HDGFL3: variants seen among roughly 807,000 people sequenced by gnomAD.
HDGFL3 encodes HDGF like 3, also known as hepatoma-derived growth factor-related protein 3.
Under a neutral mutation model 27.6 loss-of-function variants are expected in HDGFL3, and 6 were observed. The ratio of observed to expected loss-of-function variants is 0.22; its 90% CI spans 0.12 to 0.43. HDGFL3 has a LOEUF of 0.43. HDGFL3 is among the 20% of genes least tolerant of loss of function. The pLI is 1.00. For synonymous variants in HDGFL3, 88 were observed against 88.9 expected, an observed-to-expected ratio of 0.99 and a Z score of 0.05; for missense variants, 207 against 250.1, an observed-to-expected ratio of 0.83 and a Z score of 1.16.
intron 1 of HDGFL3, among the ~76,000 whole-genome samples, chr15:83,190,804 C>T (rs2037502503): frequency 6.6e-6 from 1 of 152,144 alleles, no homozygotes; most frequent in Admixed American, 6.5e-5. Flanking sequence ...CCTGTTATGG[C>T]TAGTTCTTTC....
intron 1 of HDGFL3, among the ~76,000 whole-genome samples, chr15:83,188,634 G>C (rs993405119): frequency 6.6e-6 from 1 of 151,776 alleles, no homozygotes; most frequent in East Asian, 1.9e-4. Flanking sequence ...TTTTCTTCTC[G>C]GATTCCAGGA....
chr15:83,169,358 T>A (rs1303752000), intron 1 of HDGFL3: 1 of 230,716 alleles, frequency 4.3e-6, no homozygotes, highest in Non-Finnish European at 8.5e-6. Context: ...GAGCTTGCAG[T>A]GAGCCGAGAT....
intron 1 of HDGFL3, chr15:83,180,736 C>G (rs2037370568): frequency 6.9e-6 from 1 of 145,096 alleles, no homozygotes; most frequent in African/African-American, 2.6e-5. Context: ...ACCTCTACTT[C>G]CCAGGTTCAA....
rs764106646 is a variant in HDGFL3 at position 83,207,395 on chromosome 15, C to G, written c.20G>C (p.Arg7Pro). The stretch of plus-strand genomic sequence containing the variant: ...GACCAGGTCGCCCGCTTTGTACTCG[C>G]GGGGCCGCGGACGCGCCATCCCAGC... MARPRPREYKAGDLVFA... is the reference protein window; with the variant it reads MARPRPPEYKAGDLVFA... Residue 7 changes from arginine (R) to proline (P), a missense_variant, in exon 1 of 6, where the codon CGC becomes CCC. Physicochemically the swap from Arg to Pro is moderately radical, Grantham distance 103 (BLOSUM62 -2). Coordinates refer to ENST00000299633, the MANE Select transcript of HDGFL3 (RefSeq NM_016073.4). This position sits in a 1 kb window ranked among gnomAD's most constrained non-coding sequence, Gnocchi z 4.8. The G allele has an allele frequency of 5.9e-6, 8 of 1,357,468 alleles. No homozygotes were observed. Among genetic ancestry groups the G allele is most frequent in the Non-Finnish European group, 7.6e-6 (8 of 1,049,368 alleles). 84.1% of individuals were successfully genotyped at this position (1,357,468 alleles called of 1,614,324 possible). A position where few individuals can be genotyped will look rare whatever the true frequency, so the allele number is the denominator to read the frequency against.
At chr15:83,118,077 C>T (rs576446004) in intron 3 of HDGFL3, among the ~76,000 whole-genome samples, 1 of 152,178 alleles carries the variant, frequency 6.6e-6, no homozygotes, top group Non-Finnish European at 1.5e-5. Flanking sequence ...TATAGAGAGG[C>T]CATGGCTGGC....
At chr15:83,144,752 T>C (rs1377147985) in intron 5 of HDGFL3, 6 of 343,114 alleles carry the variant, frequency 1.7e-5, no homozygotes, top group Non-Finnish European at 3.4e-5. Flanking sequence ...GTATCTCAGT[T>C]CCTTTTGCAA....
chr15:83,118,228 C>T (rs1042464430), intron 3 of HDGFL3, among the ~76,000 whole-genome samples: 19 of 131,054 alleles, frequency 1.4e-4, no homozygotes, highest in African/African-American at 5.5e-4. Context: ...TGTCTCTGTA[C>T]GTACACACAC....
intron 3 of HDGFL3, chr15:83,119,441 A>C: frequency 1.1e-6 from 1 of 927,272 alleles, no homozygotes; most frequent in Non-Finnish European, 1.6e-6. Context: ...TGTTCCTACC[A>C]ATTTTGAAGA....
intron 1 of HDGFL3, among the ~76,000 whole-genome samples, chr15:83,204,303 G>T (rs1039022277): frequency 2.0e-5 from 3 of 151,734 alleles, no homozygotes; most frequent in Non-Finnish European, 4.4e-5. Context: ...TACAGTTAAG[G>T]TAAGTACATT....
intron 1 of HDGFL3, among the ~76,000 whole-genome samples, chr15:83,175,613 G>A (rs563888874): frequency 1.1e-3 from 162 of 152,152 alleles, no homozygotes; most frequent in Non-Finnish European, 1.4e-3. Context: ...TAATCCCAGC[G>A]CTTTGGAAGG....
chr15:83,160,611 T>C (rs2037089502), intron 2 of HDGFL3, among the ~76,000 whole-genome samples: 1 of 152,124 alleles, frequency 6.6e-6, no homozygotes, highest in Non-Finnish European at 1.5e-5. Context: ...AAATCCAGTT[T>C]AGACATCCAA....
At chr15:83,197,831 C>T (rs962873367) in intron 1 of HDGFL3, among the ~76,000 whole-genome samples, 4 of 151,790 alleles carry the variant, frequency 2.6e-5, no homozygotes, top group African/African-American at 7.3e-5. Flanking sequence ...TTTGGGAGTT[C>T]GAGACCAGCC....
chr15:83,180,091 T>C (rs2037361050), intron 1 of HDGFL3, among the ~76,000 whole-genome samples: 1 of 151,928 alleles, frequency 6.6e-6, no homozygotes, highest in African/African-American at 2.4e-5. Context: ...GAGGAATTTA[T>C]TTCAGGATTC....
chr15:83,123,925 C>T (rs926111206), downstream of HDGFL3, among the ~76,000 whole-genome samples: 1 of 152,064 alleles, frequency 6.6e-6, no homozygotes, highest in South Asian at 2.1e-4. Flanking sequence ...AATTGCTCTG[C>T]AAAGCAATTT....
At chr15:83,187,610 CG>C (rs1267152172) in intron 1 of HDGFL3, among the ~76,000 whole-genome samples, 2 of 152,120 alleles carry the variant, frequency 1.3e-5, no homozygotes, top group Admixed American at 1.3e-4. Context: ...CTGCAGTGGC[CG>C]GGCGTGGTGG....
intron 1 of HDGFL3, among the ~76,000 whole-genome samples, chr15:83,167,310 C>T (rs909404994): frequency 6.6e-6 from 1 of 152,206 alleles, no homozygotes; most frequent in African/African-American, 2.4e-5. Flanking sequence ...AATCTCAACA[C>T]TTTGGGAAGC....
chr15:83,172,827 A>C (rs1254103920), intron 1 of HDGFL3, among the ~76,000 whole-genome samples: 2 of 151,866 alleles, frequency 1.3e-5, no homozygotes, highest in South Asian at 2.1e-4. Context: ...CAGCTCAAAA[A>C]AAAAAAAAAA....
At chr15:83,192,035 A>G (rs1322854338) in intron 1 of HDGFL3, among the ~76,000 whole-genome samples, 1 of 142,280 alleles carries the variant, frequency 7.0e-6, no homozygotes, top group Non-Finnish European at 1.5e-5. Flanking sequence ...CCTGTCTCCC[A>G]GGTTCAAGCA....
At chr15:83,113,207 G>A in exon 4 of HDGFL3, 1 of 438,042 alleles carries the variant, frequency 2.3e-6, no homozygotes, top group Non-Finnish European at 4.2e-6. Context: ...CTCCTTCCTG[G>A]GCTTCCTGTC....
Sources: allele counts gnomAD v4.1 joint callset (sites outside exome capture counted in the v4.1 genomes callset), GRCh38; gene constraint gnomAD v4.1.1; non-coding constraint Gnocchi (gnomAD v3.1); transcripts MANE v1.5; gene names NCBI Gene and HGNC (gene_info 2026-07-23, HGNC 2026-07-21).